ADGRV1: variants seen among roughly 807,000 people sequenced by gnomAD.
ADGRV1 encodes adhesion G protein-coupled receptor V1.
A neutral mutation model predicts 596.2 loss-of-function variants in ADGRV1; 359 were observed. The ratio of observed to expected loss-of-function variants is 0.60; its 90% CI spans 0.55 to 0.66. ADGRV1 has a LOEUF of 0.66. Ranked by LOEUF, ADGRV1 falls within the 30% of genes least tolerant of loss-of-function variation. The pLI is 0.00. For synonymous variants in ADGRV1, 2,681 were observed against 2,679.2 expected (o/e 1.00, Z -0.02); for missense variants, 7,274 against 7,575.6 (o/e 0.96, Z 1.48).
At chr5:90,957,705 T>G (rs1423093557) in intron 83 of ADGRV1, among the ~76,000 whole-genome samples, 2 of 150,024 alleles carry the variant, frequency 1.3e-5, no homozygotes, top group African/African-American at 2.4e-5. Flanking sequence ...CAATCTATTT[T>G]AAAGATAATT....
intron 75 of ADGRV1, among the ~76,000 whole-genome samples, chr5:90,816,734 C>T (rs1463291782): frequency 1.3e-5 from 2 of 151,902 alleles, no homozygotes; most frequent in Non-Finnish European, 2.9e-5. Context: ...CTACAAAGGA[C>T]ATGAACTCAT....
chr5:90,725,230 C>T lies in ADGRV1; in HGVS notation c.10051C>T (p.Leu3351=), dbSNP rs1445890457. The T allele has an allele frequency of 1.2e-5, 17 of 1,408,754 alleles. No individual in the cohort carries two copies. The highest frequency in any genetic ancestry group is 3.1e-5 in the Admixed American group (1 of 32,716). 87.3% of individuals were successfully genotyped at this position (1,408,754 alleles called of 1,614,324 possible). The part of the protein sequence containing the change: ...FTFTSGFKLF[L]VQTIIILESS... The stretch of plus-strand genomic sequence containing the variant: ...ATTCACATCTGGATTTAAATTATTC[C>T]TGGTAAAAACATTTTCATTTTTAAA... Residue 3351 remains leucine, a splice_region_variant and synonymous_variant, in exon 47 of 90, where the codon CTG becomes TTG. Coordinates refer to ENST00000405460, the MANE Select transcript of ADGRV1 (RefSeq NM_032119.4).
Position 90,777,973 on chromosome 5 carries a change from G to T in ADGRV1, c.12596G>T (p.Gly4199Val). The change falls in exon 62 of 90, where the codon GGG (glycine) becomes GTG (valine). Residue 4199 changes from glycine (G) to valine (V), a missense_variant. This residue lies in a region of ADGRV1 where 3,643 missense variants were observed against 3,809.2 expected (regional missense o/e 0.96). Coordinates refer to ENST00000405460, the MANE Select transcript of ADGRV1 (RefSeq NM_032119.4). Reference sequence around the variant, plus strand: ...TGGAGGATATTCCCTCCTTCCGTGGGGGAATTTGCTGAAACATCAGGAAAA... The same window carrying T: ...TGGAGGATATTCCCTCCTTCCGTGGTGGAATTTGCTGAAACATCAGGAAAA... ...VFWRIFPPSV[G>V]EFAETSGKLT... 1 of 1,609,948 alleles carries T rather than the reference G, an allele frequency of 6.2e-7. No individual in the cohort carries two copies. The highest frequency in any genetic ancestry group is 2.2e-5 in the East Asian group (1 of 44,800).
intron 83 of ADGRV1, among the ~76,000 whole-genome samples, chr5:90,877,442 C>A (rs1769322913): frequency 6.6e-6 from 1 of 152,144 alleles, no homozygotes; most frequent in Admixed American, 6.5e-5. Flanking sequence ...TCCACAGATA[C>A]ATTTTAGTGT....
chr5:90,755,154 A>G lies in ADGRV1; in HGVS notation c.11549A>G (p.Lys3850Arg), dbSNP rs1057524659. 6.2e-7 allele frequency: 1 copy of G among 1,607,260 alleles called. No individual in the cohort carries two copies. Among genetic ancestry groups the G allele is most frequent in the Non-Finnish European group, 8.5e-7 (1 of 1,178,568 alleles). ...ATAATAATAATGAAAGAAAACATAA[A>G]AGAAGCTCATGCCGAAGTTTCCATT... ...ETIIIMKENIKEAHAEVSILP... is the reference protein window; with the variant it reads ...ETIIIMKENIREAHAEVSILP... Residue 3850 changes from lysine to arginine, a missense_variant, in exon 55 of 90, where the codon AAA becomes AGA. Physicochemically the swap from Lys to Arg is conservative, Grantham distance 26. Transcript: ENST00000405460.
chr5:91,027,300 A>C (rs1188284629), intron 85 of ADGRV1, among the ~76,000 whole-genome samples: 1 of 152,128 alleles, frequency 6.6e-6, no homozygotes, highest in African/African-American at 2.4e-5. Flanking sequence ...TAACAGAAGG[A>C]GTCCCTGGAC....
chr5:90,618,406 T>C (rs1326681676), intron 3 of ADGRV1, among the ~76,000 whole-genome samples: 1 of 152,196 alleles, frequency 6.6e-6, no homozygotes, highest in Non-Finnish European at 1.5e-5. Flanking sequence ...TTGAACTTTA[T>C]GGCTTGGTTT....
At position 90,757,168 on chromosome 5, in the gene ADGRV1, C is replaced by T; in HGVS notation, c.11940+7C>T. 4 of 1,612,110 alleles carry T rather than the reference C, an allele frequency of 2.5e-6. No individual in the cohort carries two copies. The highest frequency in any genetic ancestry group is 3.4e-6 in the Non-Finnish European group (4 of 1,178,344). ...TGAATTTGCAGATAAACAGGTATGCCAGTCATTAACATATTAGCCTTTTTG... is the reference window on the plus strand; with the variant it reads ...TGAATTTGCAGATAAACAGGTATGCTAGTCATTAACATATTAGCCTTTTTG... On this transcript the variant is annotated splice_region_variant and intron_variant, in intron 57 of 89. Coordinates refer to ENST00000405460, the MANE Select transcript of ADGRV1 (RefSeq NM_032119.4).
chr5:90,745,479 ATGT>A (rs1316247071), intron 51 of ADGRV1, 109 bp from the exon 52 acceptor site: 10 of 815,838 alleles, frequency 1.2e-5, no homozygotes, highest in Admixed American at 3.0e-5. Context: ...TCGTTATGAA[ATGT>A]TGTGATTCTT....
chr5:91,050,587 C>T (rs1341078836), intron 85 of ADGRV1, among the ~76,000 whole-genome samples: 1 of 152,082 alleles, frequency 6.6e-6, no homozygotes, highest in African/African-American at 2.4e-5. Flanking sequence ...AATAACTTAG[C>T]TCTGAACAAG....
chr5:90,647,025 G>A (rs1251415261), intron 16 of ADGRV1, among the ~76,000 whole-genome samples: 3 of 152,054 alleles, frequency 2.0e-5, no homozygotes, highest in Non-Finnish European at 4.4e-5. Context: ...GCCCGCCTTG[G>A]CCTCCCAAAG....
intron 85 of ADGRV1, among the ~76,000 whole-genome samples, chr5:91,014,136 C>A (rs113511430): frequency 2.0e-3 from 73 of 35,686 alleles, no homozygotes; most frequent in African/African-American, 5.8e-3. Context: ...TTCACAATTG[C>A]CACACACACA....
Position 90,728,801 on chromosome 5 carries a change from T to C in ADGRV1, c.10294T>C (p.Ser3432Pro), listed in dbSNP as rs1752141577. Residue 3432 changes from serine (S) to proline (P), a missense_variant, in exon 49 of 90, where the codon TCC (serine) becomes CCC (proline). By Grantham distance (74) the Ser-to-Pro change is moderately conservative (BLOSUM62 -1). Around this residue, in one of 5 missense-constraint regions of ADGRV1, gnomAD observed 3,643 missense variants for 3,809.2 expected, o/e 0.96. Coordinates refer to ENST00000405460, the MANE Select transcript of ADGRV1 (RefSeq NM_032119.4). ...TTCCCAGGCTAATGCCAGGCTAAACTCCCTTTTATTCAGATGGTCTGGCAG... is the reference window on the plus strand; with the variant it reads ...TTCCCAGGCTAATGCCAGGCTAAACCCCCTTTTATTCAGATGGTCTGGCAG... ...AISQANARLNSLLFRWSGSGF... is the reference protein window; with the variant it reads ...AISQANARLNPLLFRWSGSGF... 1.2e-6 allele frequency: 2 copies of C among 1,613,964 alleles called. No homozygotes were observed. The highest frequency in any genetic ancestry group is 1.7e-6 in the Non-Finnish European group (2 of 1,179,866).
At chr5:90,941,614 G>A (rs182096825) in intron 83 of ADGRV1, among the ~76,000 whole-genome samples, 6 of 152,266 alleles carry the variant, frequency 3.9e-5, no homozygotes, top group Admixed American at 6.5e-5. Flanking sequence ...TACAGGGACT[G>A]GAGACAAAAC....
intron 77 of ADGRV1, among the ~76,000 whole-genome samples, chr5:90,834,541 C>T (rs796798785): frequency 2.6e-5 from 4 of 152,058 alleles, no homozygotes; most frequent in African/African-American, 9.6e-5. Flanking sequence ...ATTTGTTCCA[C>T]TTTACTTGCT....
Position 90,637,754 on chromosome 5 carries a change from T to C in ADGRV1, c.2046T>C (p.Thr682=). The change falls in exon 11 of 90, where the codon ACT becomes ACC. Residue 682 remains threonine (T), a synonymous_variant. Coordinates refer to ENST00000405460, the MANE Select transcript of ADGRV1 (RefSeq NM_032119.4). ...VVYIPLHRDG[T]DGQATVYWSL... ...ACATTCCCTTACATCGGGATGGAAC[T>C]GATGGCCAGGCTACTGTCTACTGGA... is the stretch of plus-strand genomic sequence containing the variant. 6 of 1,613,122 alleles carry C rather than the reference T, an allele frequency of 3.7e-6. No individual in the cohort carries two copies. The highest frequency in any genetic ancestry group is 5.1e-6 in the Non-Finnish European group (6 of 1,179,532).
At chr5:90,800,647 C>T (rs1761259665) in intron 70 of ADGRV1, among the ~76,000 whole-genome samples, 1 of 152,108 alleles carries the variant, frequency 6.6e-6, no homozygotes, top group African/African-American at 2.4e-5. Flanking sequence ...TGGAACTATT[C>T]ACAATAGCAA....
At chr5:91,081,786 CAAAAGT>C (rs1789409095) in intron 86 of ADGRV1, among the ~76,000 whole-genome samples, 1 of 152,132 alleles carries the variant, frequency 6.6e-6, no homozygotes, top group East Asian at 1.9e-4. Flanking sequence ...AACTCTGTCT[CAAAAGT>C]AAATAAATAA....
At chr5:90,968,577 A>G (rs6884254) in intron 84 of ADGRV1, among the ~76,000 whole-genome samples, 76,164 of 152,016 alleles carry the variant, frequency 0.5, 20,681 homozygotes, top group African/African-American at 0.71. Context: ...ATGGTTTGTG[A>G]TTTGACCACA....
Sources: allele counts gnomAD v4.1 joint callset (sites outside exome capture counted in the v4.1 genomes callset), GRCh38; gene constraint gnomAD v4.1.1; regional missense constraint gnomAD v4.1.1; transcripts MANE v1.5; gene names NCBI Gene and HGNC (gene_info 2026-07-23, HGNC 2026-07-21).